The following WDR12 variants were observed in gnomAD, a reference collection of about 807,000 sequenced individuals.
WDR12 encodes ribosome biogenesis protein WDR12.
WDR12 carries 42 observed loss-of-function variants against 64.3 expected under a neutral mutation model. The observed-to-expected ratio is 0.65, with a 90% CI of 0.51 to 0.84. The LOEUF is 0.84. WDR12 is among the 40% of genes least tolerant of loss of function. WDR12 has a pLI of 0.00. For missense variants in WDR12, 469 were observed against 494.6 expected (o/e 0.95, Z 0.49); for synonymous variants, 158 against 173.3 (o/e 0.91, Z 0.70).
chr2:202,885,123 T>C (rs1002336135), intron 8 of WDR12, among the ~76,000 whole-genome samples: 5 of 152,152 alleles, frequency 3.3e-5, no homozygotes, highest in Non-Finnish European at 2.9e-5. Context: ...GACCCCAGGG[T>C]ACAAAAACCA....
chr2:202,888,981 T>C (rs1389251044), intron 8 of WDR12, among the ~76,000 whole-genome samples: 1 of 152,182 alleles, frequency 6.6e-6, no homozygotes, highest in Non-Finnish European at 1.5e-5. Flanking sequence ...GTACAGGTGT[T>C]AGCCACCTTC....
At chr2:202,907,722 CAGA>C in intron 2 of WDR12, 140 bp downstream of exon 2, 1 of 601,236 alleles carries the variant, frequency 1.7e-6, no homozygotes, top group South Asian at 2.6e-5. Context: ...TATCATCCAG[CAGA>C]AGAACCTGTA....
At chr2:202,910,897 C>T (rs191858172) in intron 1 of WDR12, among the ~76,000 whole-genome samples, 10 of 152,228 alleles carry the variant, frequency 6.6e-5, no homozygotes, top group Non-Finnish European at 1.0e-4. Context: ...TTTTTGTTGA[C>T]TCAGCCAATC....
intron 1 of WDR12, among the ~76,000 whole-genome samples, chr2:202,908,767 T>C (rs899276392): frequency 1.3e-5 from 2 of 152,146 alleles, no homozygotes; most frequent in East Asian, 1.9e-4. Context: ...GGCACTGAAA[T>C]AGAGGAACAC....
chr2:202,898,969 A>G (rs1305808922), intron 4 of WDR12, among the ~76,000 whole-genome samples: 1 of 149,584 alleles, frequency 6.7e-6, no homozygotes, highest in Non-Finnish European at 1.5e-5. Context: ...AAAGGCAACA[A>G]TAATTGTTAC....
At chr2:202,899,678 T>G in intron 3 of WDR12, 41 bp from the exon 4 acceptor site, 1 of 1,540,618 alleles carries the variant, frequency 6.5e-7, no homozygotes, top group Non-Finnish European at 9.0e-7. Flanking sequence ...GGTGGTCTAG[T>G]TTTAAAATAT....
At chr2:202,889,461 A>G (rs1024896583) in intron 8 of WDR12, among the ~76,000 whole-genome samples, 3 of 151,210 alleles carry the variant, frequency 2.0e-5, no homozygotes, top group African/African-American at 4.9e-5. Flanking sequence ...AGTTTGAGAC[A>G]GCTCGGGCAA....
intron 12 of WDR12, among the ~76,000 whole-genome samples, chr2:202,881,412 A>AT (rs1559157610): frequency 6.6e-6 from 1 of 152,124 alleles, no homozygotes; most frequent in East Asian, 1.9e-4. Flanking sequence ...CTTATGCAAG[A>AT]TTTTTCCAAC....
intron 8 of WDR12, among the ~76,000 whole-genome samples, chr2:202,887,882 G>A (rs1248650794): frequency 2.3e-5 from 3 of 132,624 alleles, no homozygotes; most frequent in African/African-American, 5.6e-5. Flanking sequence ...GCGACAGAGC[G>A]AGACTCCGTC....
rs1219027379 is a variant in WDR12, at chr2:202,911,577, T to C, written c.-101A>G. 6 of 1,092,964 alleles carry C rather than the reference T, an allele frequency of 5.5e-6. No homozygotes were observed. The highest frequency in any genetic ancestry group is 8.5e-6 in the Non-Finnish European group (6 of 708,620). 67.7% of individuals were successfully genotyped at this position (1,092,964 alleles called of 1,614,324 possible). A position where few individuals can be genotyped will look rare whatever the true frequency, so the allele number is the denominator to read the frequency against. ...AGACTACAAAGAGGCAGCTCAAAATTAGACTGCACAGGTAAGCGAGGAACT... is the reference window on the plus strand; with the variant it reads ...AGACTACAAAGAGGCAGCTCAAAATCAGACTGCACAGGTAAGCGAGGAACT... On this transcript the variant is annotated 5_prime_UTR_variant, in exon 1 of 13. Coordinates refer to ENST00000261015, the MANE Select transcript of WDR12 (RefSeq NM_018256.4).
intron 7 of WDR12, among the ~76,000 whole-genome samples, chr2:202,893,397 A>C (rs534953418): frequency 3.9e-5 from 6 of 152,290 alleles, no homozygotes; most frequent in African/African-American, 1.2e-4. Flanking sequence ...GTTAATAGCT[A>C]ATCATATACA....
intron 4 of WDR12, among the ~76,000 whole-genome samples, chr2:202,897,888 C>CAAAAAAAAAAAAA (rs10637220): frequency 4.0e-5 from 3 of 74,206 alleles, no homozygotes; most frequent in African/African-American, 1.5e-4. Context: ...GACTCCGTTT[C>CAAAAAAAAAAAAA]AAAAAAAAAA....
At chr2:202,908,061 C>G in intron 1 of WDR12, 102 bp from the exon 2 acceptor site, 1 of 1,048,934 alleles carries the variant, frequency 9.5e-7, no homozygotes, top group Non-Finnish European at 1.4e-6. Context: ...AAATGCCAGA[C>G]ATCCAGACAT....
Position 202,899,622 on chromosome 2 carries a change from T to C in WDR12, c.247A>G (p.Ile83Val). The C allele has an allele frequency of 1.3e-5, 21 of 1,613,950 alleles. No individual in the cohort carries two copies. The highest frequency in any genetic ancestry group is 1.7e-5 in the Non-Finnish European group (20 of 1,179,908). Reference protein sequence around the residue: ...ENISSEEVVEIEYVEKYTAPQ... With the variant: ...ENISSEEVVEVEYVEKYTAPQ... ...GCAGTATACTTCTCCACGTATTCTA[T>C]TTCCACAACTTCTTCCTAATCACAA... The change falls in exon 4 of 13, where the codon ATA becomes GTA. Residue 83 changes from isoleucine to valine, a missense_variant. Coordinates refer to ENST00000261015, the MANE Select transcript of WDR12 (RefSeq NM_018256.4).
At position 202,897,383 on chromosome 2, in the gene WDR12, C is replaced by A. The variant is rs771181443; in HGVS notation, c.371G>T (p.Arg124Leu). 1 of 1,588,756 alleles carries A rather than the reference C, an allele frequency of 6.3e-7. No individual in the cohort carries two copies. The highest frequency in any genetic ancestry group is 2.3e-5 in the East Asian group (1 of 42,688). The change falls in exon 5 of 13, where the codon CGG (arginine) becomes CTG (leucine). Residue 124 changes from arginine to leucine, a missense_variant. Transcript: ENST00000261015. ...TGACTTTCCTTCCAAGGACCAGATC[C>A]GAGAAGTCTTATCATAAGAACCAGT... ...ILTGSYDKTS[R>L]IWSLEGKSIM...
At chr2:202,911,041 G>C (rs1056627041) in intron 1 of WDR12, among the ~76,000 whole-genome samples, 14 of 152,158 alleles carry the variant, frequency 9.2e-5, no homozygotes, top group Admixed American at 8.5e-4. Context: ...TTTCGAATGA[G>C]TGCTAACAGA....
At chr2:202,891,469 T>A (rs1688156071) in intron 8 of WDR12, among the ~76,000 whole-genome samples, 1 of 152,228 alleles carries the variant, frequency 6.6e-6, no homozygotes, top group African/African-American at 2.4e-5. Flanking sequence ...AGCTTTAATT[T>A]AGCCTACCAG....
chr2:202,900,980 G>A (rs1366189986), intron 3 of WDR12, 45 bp downstream of exon 3: 11 of 1,492,258 alleles, frequency 7.4e-6, no homozygotes, highest in East Asian at 2.3e-5. Flanking sequence ...TACAATAGCC[G>A]ATAATGCCTC....
rs1394580111 is a variant in WDR12, at chr2:202,896,102, C to G, written c.572G>C (p.Ser191Thr). 1 of 1,614,132 alleles carries G rather than the reference C, an allele frequency of 6.2e-7. No homozygotes were observed. Among genetic ancestry groups the G allele is most frequent in the Non-Finnish European group, 8.5e-7 (1 of 1,180,002 alleles). The part of the protein sequence containing the change: ...ALHCCRGHAG[S>T]VDSIAVDGSG... ...GCCATCAACAGCTATAGAATCTACACTTCCAGCATGACCTCTACAGCAGTG... is the reference window on the plus strand; with the variant it reads ...GCCATCAACAGCTATAGAATCTACAGTTCCAGCATGACCTCTACAGCAGTG... The change falls in exon 6 of 13, where the codon AGT becomes ACT. Residue 191 changes from serine to threonine, a missense_variant. Coordinates refer to ENST00000261015, the MANE Select transcript of WDR12 (RefSeq NM_018256.4).
Sources: gnomAD v4.1 joint callset for allele counts (sites outside exome capture counted in the v4.1 genomes callset) on GRCh38, gnomAD v4.1.1 for gene constraint, MANE v1.5 for transcripts, NCBI Gene and HGNC (gene_info 2026-07-23, HGNC 2026-07-21) for gene names.